CNTNAP3B: variants seen among roughly 807,000 people sequenced by gnomAD.
CNTNAP3B encodes the protein contactin-associated protein-like 3B.
A neutral mutation model predicts 108.9 loss-of-function variants in CNTNAP3B; 25 were observed. The ratio of observed to expected loss-of-function variants is 0.23; its 90% CI spans 0.17 to 0.32. The LOEUF is 0.32. CNTNAP3B is among the 10% of genes least tolerant of loss of function. The probability of loss-of-function intolerance (pLI) is 1.00; values close to 1 mark genes in which losing one functional copy is unlikely to be tolerated. For missense variants in CNTNAP3B, 252 were observed against 1,210.4 expected (o/e 0.21, Z 11.75); for synonymous variants, 103 against 473.4 (o/e 0.22, Z 10.16).
intron 3 of CNTNAP3B, among the ~76,000 whole-genome samples, chr9:42,051,804 G>A (rs1564183684): frequency 1.3e-5 from 2 of 152,038 alleles, no homozygotes; most frequent in Non-Finnish European, 1.5e-5. Flanking sequence ...ATATTTTTCA[G>A]TAATTTTTGC....
intron 17 of CNTNAP3B, among the ~76,000 whole-genome samples, chr9:41,921,108 G>C (rs1057438518): frequency 6.6e-6 from 1 of 152,310 alleles, no homozygotes; most frequent in Non-Finnish European, 1.5e-5. Context: ...GTGGGCCTAA[G>C]GTGGGGGCCC....
rs182653185 is a variant in CNTNAP3B, at chr9:42,034,224, T to C, written c.391-20699A>G. Among the ~76,000 whole-genome samples, 7 of 89,962 alleles carry C rather than the reference T, an allele frequency of 7.8e-5. 2 individuals are homozygous for C. Among genetic ancestry groups the C allele is most frequent in the Non-Finnish European group, 4.8e-5 (2 of 41,822 alleles). The allele number at this position is 89,962 out of a possible 152,430, so 59.0% of individuals were successfully genotyped here. ...TATCTATCTATCTATTTCTCATCTA[T>C]ACATAATAACTCTCCTTCTTAGAGT... On this transcript the variant is annotated intron_variant, in intron 3 of 23. Coordinates refer to ENST00000377561, the MANE Select transcript of CNTNAP3B (RefSeq NM_001201380.3).
At chr9:41,967,938 T>C (rs1194422408) in intron 10 of CNTNAP3B, among the ~76,000 whole-genome samples, 3 of 152,348 alleles carry the variant, frequency 2.0e-5, no homozygotes, top group South Asian at 2.1e-4. Flanking sequence ...TAGTTGAGCA[T>C]GTTTACAAGT....
In CNTNAP3B at chr9:41,977,667, G is replaced by C. The variant is rs1462185047; in HGVS notation, c.1478-7422C>G. ...GCGTCTCACTCTGTCACCCAGGCTG[G>C]AGTGCAGTGGCGCAGTCTCAGCTCA... On this transcript the variant is annotated intron_variant, in intron 9 of 23. Coordinates refer to ENST00000377561, the MANE Select transcript of CNTNAP3B (RefSeq NM_001201380.3). Among the ~76,000 whole-genome samples, 40 of 131,652 alleles carry C rather than the reference G, an allele frequency of 3.0e-4. 1 individual carries two copies. Among genetic ancestry groups the C allele is most frequent in the African/African-American group, 1.2e-3 (38 of 32,360 alleles). The allele number at this position is 131,652 out of a possible 152,430, so 86.4% of individuals were successfully genotyped here. A position where few individuals can be genotyped will look rare whatever the true frequency, so the allele number is the denominator to read the frequency against.
chr9:41,963,099 C>G (rs563880564), intron 11 of CNTNAP3B, among the ~76,000 whole-genome samples: 2 of 152,286 alleles, frequency 1.3e-5, no homozygotes, highest in South Asian at 4.1e-4. Flanking sequence ...AGATCCTTTA[C>G]AGAACCTCAG....
intron 15 of CNTNAP3B, among the ~76,000 whole-genome samples, chr9:41,924,645 G>GCGCGCGCGCGCACACGCA (rs1474850625): frequency 7.4e-6 from 1 of 135,062 alleles, no homozygotes; most frequent in Non-Finnish European, 1.6e-5. Context: ...TTTCCTTCCT[G>GCGCGCGCGCGCACACGCA]CACACACACA....
At chr9:41,934,354 G>A (rs1460257264) in intron 14 of CNTNAP3B, among the ~76,000 whole-genome samples, 9 of 152,180 alleles carry the variant, frequency 5.9e-5, no homozygotes, top group Non-Finnish European at 1.0e-4. Context: ...GAGTAGCTGG[G>A]ACTACAGGCG....
rs942785696 is a variant in CNTNAP3B at position 42,117,872 on chromosome 9, A to G, written c.85+11138T>C. Among the ~76,000 whole-genome samples the G allele has an allele frequency of 5.7e-5, 8 of 139,494 alleles. 1 individual carries two copies. Among genetic ancestry groups the G allele is most frequent in the Non-Finnish European group, 1.1e-4 (7 of 65,050 alleles). 91.5% of individuals were successfully genotyped at this position (139,494 alleles called of 152,430 possible). ...CACCACCGATCCCACAGAAATACAA[A>G]CTACCATCAGAGAATACTATAACAC... On this transcript the variant is annotated intron_variant, in intron 1 of 23. Transcript: ENST00000377561.
intron 3 of CNTNAP3B, among the ~76,000 whole-genome samples, chr9:42,017,267 T>A (rs1342686445): frequency 7.3e-6 from 1 of 136,228 alleles, no homozygotes; most frequent in Admixed American, 7.4e-5. Context: ...TCATGTGATA[T>A]CCTGGTCTGC....
At chr9:41,925,722 A>G (rs1823800104) in intron 15 of CNTNAP3B, among the ~76,000 whole-genome samples, 2 of 152,412 alleles carry the variant, frequency 1.3e-5, no homozygotes, top group South Asian at 2.1e-4. Context: ...TTTATACTCT[A>G]TAACTTATTT....
At chr9:41,992,107 C>G (rs1825820350) in intron 7 of CNTNAP3B, among the ~76,000 whole-genome samples, 1 of 134,118 alleles carries the variant, frequency 7.5e-6, no homozygotes. Flanking sequence ...CTCTACTTCT[C>G]AGCATTAGTA....
intron 13 of CNTNAP3B, among the ~76,000 whole-genome samples, chr9:41,942,929 C>T (rs1195262456): frequency 2.0e-5 from 3 of 152,226 alleles, no homozygotes; most frequent in Non-Finnish European, 4.4e-5. Context: ...AGTTCCTTTG[C>T]CAATACAACA....
rs1554753495 is a variant in CNTNAP3B at position 42,056,326 on chromosome 9, T to TTTTTTTTTA, written c.390+20542_390+20543insTAAAAAAAA. Among the ~76,000 whole-genome samples, 287 of 129,108 alleles carry TTTTTTTTTA rather than the reference T, an allele frequency of 2.2e-3. 19 individuals are homozygous for TTTTTTTTTA. Among genetic ancestry groups the TTTTTTTTTA allele is most frequent in the African/African-American group, 8.4e-3 (278 of 33,120 alleles). 84.7% of individuals were successfully genotyped at this position (129,108 alleles called of 152,430 possible). On this transcript the variant is annotated intron_variant, in intron 3 of 23. Coordinates refer to ENST00000377561, the MANE Select transcript of CNTNAP3B (RefSeq NM_001201380.3). The stretch of plus-strand genomic sequence containing the variant: ...CAAGGTTGAATATTATCTCATGAAT[T>TTTTTTTTTA]TTATTATTATTATTATTATTATTAT...
intron 13 of CNTNAP3B, among the ~76,000 whole-genome samples, chr9:41,940,486 A>C (rs1411128470): frequency 1.3e-5 from 2 of 152,340 alleles, no homozygotes; most frequent in Non-Finnish European, 2.9e-5. Context: ...TATAAATTAT[A>C]TATCCAGAGA....
chr9:41,918,843 G>A (rs77853161), intron 18 of CNTNAP3B, among the ~76,000 whole-genome samples: 3 of 144,788 alleles, frequency 2.1e-5, no homozygotes, highest in African/African-American at 5.2e-5. Flanking sequence ...TGAGATTTGT[G>A]AGCACAGAGA....
At chr9:41,931,977 C>G (rs1306879230) in intron 14 of CNTNAP3B, among the ~76,000 whole-genome samples, 8 of 152,180 alleles carry the variant, frequency 5.3e-5, no homozygotes, top group Admixed American at 2.6e-4. Flanking sequence ...AGGGCAGATA[C>G]TATAATAAAG....
chr9:41,988,315 C>G (rs1825746030), intron 8 of CNTNAP3B, among the ~76,000 whole-genome samples: 1 of 111,870 alleles, frequency 8.9e-6, no homozygotes, highest in Non-Finnish European at 1.7e-5. Flanking sequence ...GTGGTGCCAT[C>G]TCGGTTCACT....
intron 17 of CNTNAP3B, among the ~76,000 whole-genome samples, chr9:41,922,062 T>C (rs1413090738): frequency 1.5e-4 from 22 of 143,360 alleles, no homozygotes; most frequent in Admixed American, 1.4e-4. Context: ...TGGTTCAAGT[T>C]TGGGGGTCGG....
chr9:41,943,644 G>A (rs1227958209), intron 13 of CNTNAP3B, among the ~76,000 whole-genome samples: 66 of 149,076 alleles, frequency 4.4e-4, no homozygotes, highest in Admixed American at 8.0e-4. Context: ...GTGAGTCACC[G>A]CGCCCAGCCC....
Sources: gnomAD v4.1 joint callset for allele counts (sites outside exome capture counted in the v4.1 genomes callset) on GRCh38, gnomAD v4.1.1 for gene constraint, MANE v1.5 for transcripts, NCBI Gene and HGNC (gene_info 2026-07-23, HGNC 2026-07-21) for gene names.